The following CLTCL1 variants were observed in gnomAD, a reference collection of about 807,000 sequenced individuals.
CLTCL1 encodes clathrin heavy chain 2.
Under a neutral mutation model 190.0 loss-of-function variants are expected in CLTCL1, and 159 were observed. The ratio of observed to expected loss-of-function variants is 0.84; its 90% confidence interval spans 0.74 to 0.95. The LOEUF (loss-of-function observed/expected upper bound fraction) is 0.95. CLTCL1 is among the 40% of genes least tolerant of loss of function. The probability of loss-of-function intolerance (pLI) is 0.00; values close to 1 mark genes in which losing one functional copy is unlikely to be tolerated. For missense variants in CLTCL1, 1,878 were observed against 2,033.4 expected (o/e 0.92, Z 1.47); for synonymous variants, 752 against 769.6 (o/e 0.98, Z 0.38).
chr22:19,211,472 A>C (rs573726817), intron 19 of CLTCL1, among the ~76,000 whole-genome samples: 2 of 152,272 alleles, frequency 1.3e-5, no homozygotes, highest in African/African-American at 4.8e-5. Flanking sequence ...GCAGCACTAG[A>C]TTAGGAAGAA....
At chr22:19,202,822 C>G (rs1429515705) in intron 22 of CLTCL1, among the ~76,000 whole-genome samples, 2 of 152,312 alleles carry the variant, frequency 1.3e-5, no homozygotes, top group East Asian at 1.9e-4. Context: ...AACAAACTAT[C>G]AGGAGAGCCT....
In CLTCL1 at chr22:19,209,084, G is replaced by A. The variant is rs782239437; in HGVS notation, c.3280C>T (p.Arg1094Trp). 7 of 1,606,622 alleles carry A rather than the reference G, an allele frequency of 4.4e-6. No homozygotes were observed. Among genetic ancestry groups the A allele is most frequent in the East Asian group, 2.2e-5 (1 of 44,594 alleles). ...CATCTCTCCGCAAACTCATATGCCC[G>A]GTCCAGGTTTCCAATGTGCTCGATC... is the stretch of plus-strand genomic sequence containing the variant. ...VLIEHIGNLDRAYEFAERCNE... is the reference protein window; with the variant it reads ...VLIEHIGNLDWAYEFAERCNE... The change falls in exon 21 of 33, where the codon CGG becomes TGG. Residue 1094 changes from arginine (R) to tryptophan (W), a missense_variant. Physicochemically the swap from Arg to Trp is moderately radical, Grantham distance 101. Transcript: ENST00000427926.
At chr22:19,230,234 G>C (rs2073340189) in intron 10 of CLTCL1, among the ~76,000 whole-genome samples, 1 of 151,814 alleles carries the variant, frequency 6.6e-6, no homozygotes. Flanking sequence ...TTCCCAAGTG[G>C]CTGAGACTAC....
intron 18 of CLTCL1, among the ~76,000 whole-genome samples, chr22:19,217,714 G>A (rs1295229407): frequency 2.6e-5 from 4 of 151,188 alleles, no homozygotes; most frequent in African/African-American, 7.3e-5. Context: ...CAGGCGTGGC[G>A]GCAGGTGCCT....
At chr22:19,273,237 T>A (rs925225288) in intron 2 of CLTCL1, among the ~76,000 whole-genome samples, 3 of 152,256 alleles carry the variant, frequency 2.0e-5, no homozygotes, top group Admixed American at 2.0e-4. Context: ...CTGTACATCC[T>A]CCACTTGTCA....
chr22:19,238,805 A>G (rs930515620), intron 5 of CLTCL1: 1 of 153,654 alleles, frequency 6.5e-6, no homozygotes, highest in Non-Finnish European at 1.4e-5. Context: ...GGCTCCCTCA[A>G]TGGCAGCCAA....
chr22:19,243,610 C>T (rs961826998), intron 3 of CLTCL1, among the ~76,000 whole-genome samples: 9 of 151,860 alleles, frequency 5.9e-5, no homozygotes, highest in African/African-American at 2.2e-4. Context: ...CAGAGCAAGA[C>T]TCTGTCTCCA....
chr22:19,288,422 T>C (rs2087987372), intron 1 of CLTCL1, among the ~76,000 whole-genome samples: 1 of 152,196 alleles, frequency 6.6e-6, no homozygotes, highest in Admixed American at 6.5e-5. Context: ...TCCCCATGGG[T>C]AAATCGGGAC....
At position 19,209,413 on chromosome 22, in the gene CLTCL1, T is replaced by G. The variant is rs1389968042; in HGVS notation, c.3250-299A>C. On this transcript the variant is annotated intron_variant, in intron 20 of 32. Coordinates refer to ENST00000427926, the MANE Select transcript of CLTCL1 (RefSeq NM_007098.4). ...AGGACATGGGACTTGCTCCTGACCT[T>G]GGGAGGAAAGACAGTGCAACAGAGC... The G allele has an allele frequency of 2.4e-5, 7 of 292,630 alleles. No homozygotes were observed. The Admixed American group carries it at 3.3e-4, about 14-fold the overall frequency. 18.1% of individuals were successfully genotyped at this position (292,630 alleles called of 1,614,324 possible). A position where few individuals can be genotyped will look rare whatever the true frequency, so the allele number is the denominator to read the frequency against.
intron 5 of CLTCL1, 87 bp downstream of exon 5, chr22:19,239,188 G>T: frequency 9.8e-7 from 1 of 1,019,212 alleles, no homozygotes; most frequent in Non-Finnish European, 1.5e-6. Context: ...AGCAGAAGCA[G>T]ACTAAAAATG....
chr22:19,211,173 T>C (rs1212881947), intron 19 of CLTCL1, among the ~76,000 whole-genome samples: 1 of 152,226 alleles, frequency 6.6e-6, no homozygotes, highest in Non-Finnish European at 1.5e-5. Context: ...ACTACATCTT[T>C]ATCAAATGAT....
Position 19,208,173 on chromosome 22 carries a change from T to C in CLTCL1, c.3581A>G (p.Asn1194Ser). The change falls in exon 22 of 33, where the codon AAC (asparagine) becomes AGC (serine). Residue 1194 changes from asparagine (N) to serine (S), a missense_variant. Transcript: ENST00000427926. ...SELEDFINGP[N>S]NAHIQQVGDR... ...GCCTACCTGCTGGATGTGGGCATTGTTGGGTCCATTAATAAAATCTTCTAG... is the reference window on the plus strand; with the variant it reads ...GCCTACCTGCTGGATGTGGGCATTGCTGGGTCCATTAATAAAATCTTCTAG... 6.2e-7 allele frequency: 1 copy of C among 1,613,878 alleles called. No homozygotes were observed. The highest frequency in any genetic ancestry group is 8.5e-7 in the Non-Finnish European group (1 of 1,179,894).
intron 20 of CLTCL1, among the ~76,000 whole-genome samples, chr22:19,209,670 G>A (rs1436571129): frequency 2.6e-5 from 4 of 152,188 alleles, no homozygotes; most frequent in Non-Finnish European, 5.9e-5. Context: ...TGGATTGGGG[G>A]TTTCACAGCA....
chr22:19,190,259 T>A lies in CLTCL1; in HGVS notation c.4323+1045A>T, dbSNP rs569058192. ...AGGCATAAGCCACCATTCCCGGCCA[T>A]TAATTAGCCTAATTCCAATGCTGTT... On this transcript the variant is annotated intron_variant, in intron 27 of 32. Coordinates refer to ENST00000427926, the MANE Select transcript of CLTCL1 (RefSeq NM_007098.4). 5.9e-5 allele frequency among the ~76,000 whole-genome samples: 9 copies of A among 152,254 alleles called. No individual in the cohort carries two copies. In the South Asian group the frequency reaches 1.9e-3, roughly 32 times the overall value.
chr22:19,208,398 C>T, intron 21 of CLTCL1, 87 bp from the exon 22 acceptor site: 1 of 1,464,128 alleles, frequency 6.8e-7, no homozygotes, highest in Admixed American at 1.9e-5. Flanking sequence ...CTCAGCCAGA[C>T]ACATTTACCC....
intron 23 of CLTCL1, among the ~76,000 whole-genome samples, chr22:19,200,456 G>A (rs927781478): frequency 2.0e-5 from 3 of 152,204 alleles, no homozygotes; most frequent in African/African-American, 7.2e-5. Flanking sequence ...TCTGCATGAT[G>A]ATATATTCCT....
At chr22:19,226,554 T>C (rs889238753) in intron 11 of CLTCL1, among the ~76,000 whole-genome samples, 171 bp from the exon 12 acceptor site, 3 of 152,160 alleles carry the variant, frequency 2.0e-5, no homozygotes, top group Non-Finnish European at 4.4e-5. Context: ...CCCAAATCCC[T>C]GGCTGTCCTT....
intron 5 of CLTCL1, 96 bp downstream of exon 5, chr22:19,239,179 G>T: frequency 1.1e-6 from 1 of 927,160 alleles, no homozygotes; most frequent in Non-Finnish European, 1.8e-6. Context: ...GCAGGAGACA[G>T]CAGAAGCAGA....
intron 3 of CLTCL1, among the ~76,000 whole-genome samples, chr22:19,247,397 G>A (rs1053557244): frequency 6.6e-6 from 1 of 152,168 alleles, no homozygotes; most frequent in Non-Finnish European, 1.5e-5. Flanking sequence ...GTTGGTAAAT[G>A]CATGGGATTT....
Sources: gnomAD v4.1 joint callset for allele counts (sites outside exome capture counted in the v4.1 genomes callset) on GRCh38, gnomAD v4.1.1 for gene constraint, MANE v1.5 for transcripts, NCBI Gene and HGNC (gene_info 2026-07-23, HGNC 2026-07-21) for gene names.